Variants in NFATC3 observed in about 807,000 individuals in gnomAD.
NFATC3 encodes nuclear factor of activated T cells 3.
NFATC3 carries 46 observed loss-of-function variants against 98.6 expected under a neutral mutation model. The ratio of observed to expected loss-of-function variants is 0.47; its 90% CI spans 0.37 to 0.60. NFATC3 has a LOEUF of 0.60. Ranked by LOEUF, NFATC3 falls within the 20% of genes least tolerant of loss-of-function variation. The pLI is 0.00. For missense variants in NFATC3, 1,256 were observed against 1,295.5 expected (o/e 0.97, Z 0.47); for synonymous variants, 512 against 472.2 (o/e 1.08, Z -1.09).
In NFATC3 at chr16:68,188,979, A is replaced by T. The variant is rs185449411; in HGVS notation, c.2099-1789A>T. 1.2e-3 allele frequency among the ~76,000 whole-genome samples: 176 copies of T among 152,256 alleles called. 2 individuals carry two copies. The highest frequency in any genetic ancestry group is 3.6e-3 in the African/African-American group (150 of 41,550). ...CACCTCAGCCTCCCAAAGTGCTGGGATTACAGGTGTGAGCCACTGCGCCCA... is the reference window on the plus strand; with the variant it reads ...CACCTCAGCCTCCCAAAGTGCTGGGTTTACAGGTGTGAGCCACTGCGCCCA... On this transcript the variant is annotated intron_variant, in intron 8 of 9. Coordinates refer to ENST00000346183, the MANE Select transcript of NFATC3 (RefSeq NM_173165.3).
intron 1 of NFATC3, among the ~76,000 whole-genome samples, chr16:68,091,574 C>G (rs1340438684): frequency 6.6e-6 from 1 of 152,162 alleles, no homozygotes; most frequent in Non-Finnish European, 1.5e-5. Context: ...ATTTCCCTCT[C>G]ATTATTGCTA....
intron 3 of NFATC3, among the ~76,000 whole-genome samples, chr16:68,135,409 G>A (rs2037339967): frequency 7.3e-6 from 1 of 137,396 alleles, no homozygotes; most frequent in African/African-American, 2.8e-5. Flanking sequence ...AGTGAGCTGA[G>A]ATTGCGCCGC....
chr16:68,217,678 T>G, intron 9 of NFATC3: 1 of 1,231,540 alleles, frequency 8.1e-7, no homozygotes, highest in Non-Finnish European at 1.0e-6. Context: ...AGATCAAGAT[T>G]CCTTTCAATT....
intron 9 of NFATC3, among the ~76,000 whole-genome samples, chr16:68,218,300 C>G (rs1441042273): frequency 6.6e-6 from 1 of 151,622 alleles, no homozygotes; most frequent in Non-Finnish European, 1.5e-5. Context: ...TCAGGCCAGG[C>G]ATGGTGGCTC....
At chr16:68,093,255 G>A (rs1426943399) in intron 1 of NFATC3, among the ~76,000 whole-genome samples, 1 of 152,124 alleles carries the variant, frequency 6.6e-6, no homozygotes, top group Non-Finnish European at 1.5e-5. Flanking sequence ...ATGTAGTACT[G>A]AGCTAGGAGG....
chr16:68,218,961 G>A (rs918355340), intron 9 of NFATC3, among the ~76,000 whole-genome samples: 2 of 152,036 alleles, frequency 1.3e-5, no homozygotes, highest in Non-Finnish European at 2.9e-5. Context: ...CATCTCGGCT[G>A]GGCACGGTGA....
intron 3 of NFATC3, among the ~76,000 whole-genome samples, chr16:68,142,619 G>A (rs2097802): frequency 0.03 from 4,621 of 152,084 alleles, 206 homozygotes; most frequent in African/African-American, 0.1. Context: ...TTAGCTGGGC[G>A]TGGTGGTGGG....
intron 1 of NFATC3, among the ~76,000 whole-genome samples, chr16:68,114,777 G>A (rs1474544413): frequency 6.6e-6 from 1 of 152,062 alleles, no homozygotes; most frequent in East Asian, 1.9e-4. Flanking sequence ...GTTTCACCAT[G>A]TTGGCCAGGA....
chr16:68,094,569 C>G (rs1482489216), intron 1 of NFATC3, among the ~76,000 whole-genome samples: 1 of 152,118 alleles, frequency 6.6e-6, no homozygotes, highest in African/African-American at 2.4e-5. Context: ...CTCTCAAGAT[C>G]AGTACTCTTT....
intron 5 of NFATC3, among the ~76,000 whole-genome samples, chr16:68,173,145 CCAGCT>C (rs2039541702): frequency 6.6e-6 from 1 of 151,902 alleles, no homozygotes; most frequent in South Asian, 2.1e-4. Context: ...GCTTGTAGTC[CCAGCT>C]ACTTGGGAGG....
chr16:68,198,530 C>T (rs1441608727), intron 9 of NFATC3, among the ~76,000 whole-genome samples: 5 of 152,058 alleles, frequency 3.3e-5, no homozygotes, highest in African/African-American at 1.2e-4. Context: ...GGTTTTAGAA[C>T]TGGTGTCAAA....
chr16:68,101,316 A>T (rs1359691452), intron 1 of NFATC3, among the ~76,000 whole-genome samples: 1 of 151,658 alleles, frequency 6.6e-6, no homozygotes, highest in African/African-American at 2.4e-5. Flanking sequence ...GCCAATTTTT[A>T]AATTTTTCGT....
At chr16:68,136,634 C>T (rs1472291973) in intron 3 of NFATC3, among the ~76,000 whole-genome samples, 1 of 152,158 alleles carries the variant, frequency 6.6e-6, no homozygotes, top group Non-Finnish European at 1.5e-5. Context: ...AGTCATATGT[C>T]ACTTAACACC....
chr16:68,162,828 G>C (rs1434631894), intron 4 of NFATC3, among the ~76,000 whole-genome samples: 2 of 151,806 alleles, frequency 1.3e-5, no homozygotes, highest in African/African-American at 4.8e-5. Context: ...AATAGTGGAG[G>C]GAAGGTCAGC....
intron 3 of NFATC3, among the ~76,000 whole-genome samples, chr16:68,147,518 A>G (rs982500529): frequency 6.6e-6 from 1 of 152,200 alleles, no homozygotes; most frequent in Non-Finnish European, 1.5e-5. Flanking sequence ...GCGCTCTGCT[A>G]GGCTCTGGAG....
chr16:68,203,668 A>G (rs1338703656), intron 9 of NFATC3, among the ~76,000 whole-genome samples: 3 of 152,196 alleles, frequency 2.0e-5, no homozygotes, highest in Non-Finnish European at 4.4e-5. Context: ...TATAATTTAT[A>G]CATAAGCTAG....
chr16:68,176,598 A>C (rs901887141), intron 6 of NFATC3, among the ~76,000 whole-genome samples: 1 of 152,126 alleles, frequency 6.6e-6, no homozygotes, highest in Non-Finnish European at 1.5e-5. Flanking sequence ...AAAATTCTTA[A>C]ATTTTTTTAA....
At chr16:68,108,709 G>T (rs539847403) in intron 1 of NFATC3, among the ~76,000 whole-genome samples, 1 of 152,268 alleles carries the variant, frequency 6.6e-6, no homozygotes, top group South Asian at 2.1e-4. Flanking sequence ...CTATCCATGA[G>T]CATGGAATGT....
At chr16:68,108,674 G>T (rs894899827) in intron 1 of NFATC3, among the ~76,000 whole-genome samples, 10 of 152,116 alleles carry the variant, frequency 6.6e-5, no homozygotes, top group African/African-American at 2.4e-4. Flanking sequence ...GGGCAGTGTG[G>T]CTGTTTTCAC....
Sources: allele counts gnomAD v4.1 joint callset (sites outside exome capture counted in the v4.1 genomes callset), GRCh38; gene constraint gnomAD v4.1.1; transcripts MANE v1.5; gene names NCBI Gene and HGNC (gene_info 2026-07-23, HGNC 2026-07-21).